The following WDR41 variants were observed in gnomAD, a reference collection of about 807,000 sequenced individuals.
WDR41 encodes WD repeat domain 41, also known as WD repeat-containing protein 41.
In WDR41, 63 loss-of-function variants were observed where a neutral mutation model predicts 69.3. The observed-to-expected ratio is 0.91, with a 90% CI of 0.74 to 1.12. The LOEUF (loss-of-function observed/expected upper bound fraction) is 1.12, where lower values mean the gene tolerates loss of function less well. WDR41 is among the 50% of genes most tolerant of loss of function. The probability of loss-of-function intolerance (pLI) is 0.00; values close to 1 mark genes in which losing one functional copy is unlikely to be tolerated. For missense variants in WDR41, 543 were observed against 534.5 expected, an observed-to-expected ratio of 1.02 and a Z score of -0.16; for synonymous variants, 185 against 192.1, an observed-to-expected ratio of 0.96 and a Z score of 0.31.
chr5:77,489,473 G>A lies in WDR41; in HGVS notation c.151C>T (p.Gln51Ter). Residue 51 changes from glutamine (Q) to a stop codon, truncating the protein, a stop_gained, in exon 2 of 13, where the codon CAG (glutamine) becomes TAG (stop). Coordinates refer to ENST00000296679, the MANE Select transcript of WDR41 (RefSeq NM_018268.4). LOFTEE classifies it high-confidence loss of function. Reference sequence around the variant, plus strand: ...GCTTCTTACCTGTAGTCATCTAACTGTACCAGAAATCGTACAATATCATGA... The same window carrying A: ...GCTTCTTACCTGTAGTCATCTAACTATACCAGAAATCGTACAATATCATGA... ...AHHDIVRFLV[Q>*]LDDYRFASAG... 6.2e-7 allele frequency: 1 copy of A among 1,600,134 alleles called. No individual in the cohort carries two copies. Among genetic ancestry groups the A allele is most frequent in the Non-Finnish European group, 8.5e-7 (1 of 1,173,876 alleles).
At chr5:77,559,201 C>T (rs1457478743) in intron 1 of WDR41, among the ~76,000 whole-genome samples, 1 of 152,182 alleles carries the variant, frequency 6.6e-6, no homozygotes, top group Non-Finnish European at 1.5e-5. Flanking sequence ...CATGTAAACA[C>T]TCCCACTGTG....
chr5:77,440,773 T>A (rs1310009453), intron 9 of WDR41, 40 bp downstream of exon 9: 1 of 1,594,026 alleles, frequency 6.3e-7, no homozygotes, highest in Non-Finnish European at 8.6e-7. Flanking sequence ...GGGTTATATA[T>A]GTCAAAGGCA....
chr5:77,474,420 AAAACTT>A (rs1260639666), intron 2 of WDR41, among the ~76,000 whole-genome samples: 3 of 150,608 alleles, frequency 2.0e-5, no homozygotes, highest in African/African-American at 7.5e-5. Flanking sequence ...CATGTACCCT[AAAACTT>A]AAAGTATAAC....
chr5:77,505,521 A>T (rs1802091987), intron 1 of WDR41, among the ~76,000 whole-genome samples: 1 of 152,212 alleles, frequency 6.6e-6, no homozygotes, highest in Non-Finnish European at 1.5e-5. Flanking sequence ...GAATTGGAAA[A>T]AACTAAAGTT....
chr5:77,554,159 T>C (rs192443777), intron 1 of WDR41, among the ~76,000 whole-genome samples: 1 of 152,284 alleles, frequency 6.6e-6, no homozygotes, highest in East Asian at 1.9e-4. Flanking sequence ...TACAATGATA[T>C]AGTGTTTTAT....
At chr5:77,450,583 G>A (rs1391760140) in intron 7 of WDR41, among the ~76,000 whole-genome samples, 1 of 152,076 alleles carries the variant, frequency 6.6e-6, no homozygotes, top group Non-Finnish European at 1.5e-5. Context: ...TATGTTCCAG[G>A]AACTCTACGT....
chr5:77,567,580 A>G (rs929020619), intron 1 of WDR41, among the ~76,000 whole-genome samples: 3 of 151,798 alleles, frequency 2.0e-5, no homozygotes, highest in African/African-American at 7.3e-5. Flanking sequence ...GCATCAACAG[A>G]ACTATTTTTA....
intron 1 of WDR41, among the ~76,000 whole-genome samples, chr5:77,525,351 C>G (rs1264727708): frequency 6.6e-6 from 1 of 151,996 alleles, no homozygotes. Context: ...TTTGTATGCC[C>G]CTTCACATGC....
chr5:77,505,178 G>A (rs1802086539), intron 1 of WDR41, among the ~76,000 whole-genome samples: 1 of 152,116 alleles, frequency 6.6e-6, no homozygotes, highest in African/African-American at 2.4e-5. Context: ...TCAGCAAAGT[G>A]TCTCAGGATA....
intron 1 of WDR41, among the ~76,000 whole-genome samples, chr5:77,558,104 A>C (rs1743445257): frequency 1.3e-5 from 2 of 149,970 alleles, no homozygotes; most frequent in Non-Finnish European, 3.0e-5. Flanking sequence ...TAAAAAAAAA[A>C]AAAAAAAAAA....
chr5:77,513,298 A>T (rs1446463490), intron 1 of WDR41, among the ~76,000 whole-genome samples: 1 of 152,152 alleles, frequency 6.6e-6, no homozygotes, highest in Non-Finnish European at 1.5e-5. Flanking sequence ...TGCCAATGAA[A>T]CTTGAATTCT....
At chr5:77,564,256 G>A (rs1288445909) in intron 1 of WDR41, among the ~76,000 whole-genome samples, 1 of 152,118 alleles carries the variant, frequency 6.6e-6, no homozygotes, top group Admixed American at 6.6e-5. Context: ...AAGGTTAACT[G>A]TCAAATTGCA....
rs191051593 is a variant in WDR41, at chr5:77,559,781, A to T, written c.42+60698T>A. On this transcript the variant is annotated intron_variant, in intron 1 of 5. Coordinates refer to the WDR41 transcript ENST00000509971. ...TTAAGGTAATTGCTTGGTAAACTGT[A>T]TACACAATTCAATCACAGCCATGCT... is the stretch of plus-strand genomic sequence containing the variant. Among the ~76,000 whole-genome samples, 30 of 152,242 alleles carry T rather than the reference A, an allele frequency of 2.0e-4. No homozygotes were observed. In the East Asian group the frequency reaches 5.8e-3, roughly 29 times the overall value.
intron 12 of WDR41, 132 bp from the exon 13 acceptor site, chr5:77,433,419 A>C (rs41272256): frequency 0.083 from 50,951 of 616,048 alleles, 2,854 homozygotes; most frequent in African/African-American, 0.23. Flanking sequence ...ACTTCATTTC[A>C]TTTTTCAGTA....
chr5:77,449,040 G>T (rs1357311801), intron 8 of WDR41, among the ~76,000 whole-genome samples: 1 of 152,044 alleles, frequency 6.6e-6, no homozygotes, highest in Non-Finnish European at 1.5e-5. Flanking sequence ...GCCACCAAAA[G>T]CCCTCTCATG....
At chr5:77,488,282 C>A (rs542066357) in intron 2 of WDR41, among the ~76,000 whole-genome samples, 1 of 152,080 alleles carries the variant, frequency 6.6e-6, no homozygotes, top group Admixed American at 6.5e-5. Context: ...CATGGTAAAG[C>A]AACTAAATAT....
intron 7 of WDR41, among the ~76,000 whole-genome samples, chr5:77,450,163 G>T (rs987010018): frequency 2.0e-5 from 3 of 152,100 alleles, no homozygotes; most frequent in Admixed American, 1.3e-4. Context: ...CGGATGTCTT[G>T]TTATCTCAAC....
At chr5:77,546,002 T>C in intron 1 of WDR41, 1 of 492,714 alleles carries the variant, frequency 2.0e-6, no homozygotes, top group Non-Finnish European at 3.5e-6. Flanking sequence ...TGGCATCATC[T>C]CGGCCCCTGT....
chr5:77,539,070 GGAGA>G (rs138480947), intron 1 of WDR41, among the ~76,000 whole-genome samples: 1 of 151,788 alleles, frequency 6.6e-6, no homozygotes, highest in Non-Finnish European at 1.5e-5. Flanking sequence ...CTTCATGGGA[GGAGA>G]GAGAGAGAGA....
Sources: gnomAD v4.1 joint callset for allele counts (sites outside exome capture counted in the v4.1 genomes callset) on GRCh38, gnomAD v4.1.1 for gene constraint, MANE v1.5 for transcripts, NCBI Gene and HGNC (gene_info 2026-07-23, HGNC 2026-07-21) for gene names.